The following CFAP61 variants were observed in gnomAD, a reference collection of about 807,000 sequenced individuals.
CFAP61 encodes the protein cilia- and flagella-associated protein 61.
In CFAP61, 107 loss-of-function variants were observed where a neutral mutation model predicts 135.6. The ratio of observed to expected loss-of-function variants is 0.79; its 90% confidence interval spans 0.67 to 0.93. The LOEUF (loss-of-function observed/expected upper bound fraction) is 0.93, where lower values mean the gene tolerates loss of function less well. Among genes scored for constraint, CFAP61 ranks in the 40% least tolerant of loss-of-function variants. The pLI, the probability that CFAP61 is intolerant of heterozygous loss-of-function variation, is 0.00. For missense variants in CFAP61, 1,507 were observed against 1,556.2 expected (o/e 0.97, Z 0.53); for synonymous variants, 575 against 578.5 (o/e 0.99, Z 0.09).
At chr20:20,269,146 T>TATATATATACACACAC (rs1419572825) in intron 21 of CFAP61, among the ~76,000 whole-genome samples, 1 of 85,598 alleles carries the variant, frequency 1.2e-5, no homozygotes, top group African/African-American at 4.0e-5. Context: ...TATATATATA[T>TATATATATACACACAC]ACACACACAC....
At chr20:20,251,112 T>C (rs2050851757) in intron 19 of CFAP61, among the ~76,000 whole-genome samples, 2 of 152,226 alleles carry the variant, frequency 1.3e-5, no homozygotes. Context: ...AATGAGTGAT[T>C]ACTGAAAAGT....
chr20:20,319,443 G>A (rs1325492991), intron 25 of CFAP61, among the ~76,000 whole-genome samples: 1 of 152,240 alleles, frequency 6.6e-6, no homozygotes, highest in African/African-American at 2.4e-5. Flanking sequence ...CCTGGTGGGA[G>A]GTGATTGTTT....
chr20:20,287,440 T>C (rs2054668908), intron 22 of CFAP61, among the ~76,000 whole-genome samples: 1 of 152,250 alleles, frequency 6.6e-6, no homozygotes, highest in African/African-American at 2.4e-5. Flanking sequence ...AATGGGCTAT[T>C]GCAACTGAGG....
At chr20:20,286,030 A>AAC (rs1320839273) in intron 22 of CFAP61, among the ~76,000 whole-genome samples, 3 of 151,580 alleles carry the variant, frequency 2.0e-5, no homozygotes, top group African/African-American at 7.3e-5. Context: ...AAAAAAAAAA[A>AAC]ACACCTCTAA....
chr20:20,230,905 C>T (rs1343050331), intron 18 of CFAP61, among the ~76,000 whole-genome samples: 1 of 152,234 alleles, frequency 6.6e-6, no homozygotes, highest in Non-Finnish European at 1.5e-5. Context: ...GGGGCATCAT[C>T]ATTCCTGGAA....
intron 25 of CFAP61, among the ~76,000 whole-genome samples, chr20:20,301,478 A>G (rs1041481064): frequency 5.3e-5 from 8 of 152,328 alleles, no homozygotes; most frequent in Non-Finnish European, 1.2e-4. Flanking sequence ...TTATTTATTT[A>G]AATTTCCCCC....
At position 20,277,659 on chromosome 20, in the gene CFAP61, T is replaced by G. The variant is rs112690622; in HGVS notation, c.2796+201T>G. Among the ~76,000 whole-genome samples the G allele has an allele frequency of 2.1e-3, 318 of 152,352 alleles. 1 individual carries two copies. The highest frequency in any genetic ancestry group is 7.5e-3 in the African/African-American group (310 of 41,586). Reference sequence around the variant, plus strand: ...TAAAGCAACAACAACCGTTTATTATTCTTATCTCTCCTGGTTTTTTATTAT... The same window carrying G: ...TAAAGCAACAACAACCGTTTATTATGCTTATCTCTCCTGGTTTTTTATTAT... On this transcript the variant is annotated intron_variant, in intron 22 of 26. Coordinates refer to ENST00000245957, the MANE Select transcript of CFAP61 (RefSeq NM_015585.4).
intron 13 of CFAP61, among the ~76,000 whole-genome samples, chr20:20,170,591 T>G (rs2054152527): frequency 6.6e-6 from 1 of 152,200 alleles, no homozygotes; most frequent in African/African-American, 2.4e-5. Flanking sequence ...GTATGTAAAT[T>G]AGACCTCAAT....
chr20:20,139,284 T>C (rs2051178953), intron 8 of CFAP61, among the ~76,000 whole-genome samples: 1 of 152,208 alleles, frequency 6.6e-6, no homozygotes, highest in Non-Finnish European at 1.5e-5. Flanking sequence ...AATGTGGCAT[T>C]AGATGCTGTG....
intron 16 of CFAP61, among the ~76,000 whole-genome samples, chr20:20,197,208 C>T (rs1304388102): frequency 6.6e-6 from 1 of 152,078 alleles, no homozygotes; most frequent in African/African-American, 2.4e-5. Context: ...CCCAGCATTC[C>T]AAATAAGCAC....
chr20:20,171,680 CAA>C (rs991345926), intron 13 of CFAP61: 18 of 483,570 alleles, frequency 3.7e-5, no homozygotes, highest in African/African-American at 3.4e-4. Flanking sequence ...AATGCATTAA[CAA>C]AGAGGCACAG....
chr20:20,298,845 T>G (rs2055847366), intron 25 of CFAP61, among the ~76,000 whole-genome samples: 1 of 152,200 alleles, frequency 6.6e-6, no homozygotes, highest in Non-Finnish European at 1.5e-5. Context: ...GGTGGTCATT[T>G]GTCCAGCGTT....
chr20:20,131,496 A>G (rs1223160234), intron 8 of CFAP61, among the ~76,000 whole-genome samples: 1 of 151,898 alleles, frequency 6.6e-6, no homozygotes, highest in African/African-American at 2.4e-5. Flanking sequence ...TTCAGTTTTC[A>G]TGATATTGAG....
intron 25 of CFAP61, among the ~76,000 whole-genome samples, chr20:20,305,559 C>T (rs955600493): frequency 2.0e-5 from 3 of 152,172 alleles, no homozygotes; most frequent in African/African-American, 7.2e-5. Context: ...GATGGTAATT[C>T]TCCCAATATC....
intron 26 of CFAP61, among the ~76,000 whole-genome samples, chr20:20,355,135 T>TGGTCACACTAAGGGGAGGG (rs1569330192): frequency 2.0e-5 from 2 of 99,034 alleles, no homozygotes; most frequent in South Asian, 3.6e-4. Flanking sequence ...TGAGGGGAGG[T>TGGTCACACTAAGGGGAGGG]GGTCACATTG....
chr20:20,090,976 G>A lies in CFAP61; in HGVS notation c.699G>A (p.Glu233=). The change falls in exon 7 of 27, where the codon GAG becomes GAA. Residue 233 remains glutamate, a splice_region_variant and synonymous_variant. Coordinates refer to ENST00000245957, the MANE Select transcript of CFAP61 (RefSeq NM_015585.4). The part of the protein sequence containing the change: ...QDEENHAVVC[E]VEGTAVGFMS... ...AAGAGAATCATGCTGTTGTGTGTGA[G>A]GTCAGTGACTGATTCATGTGGGAAC... 6.2e-7 allele frequency: 1 copy of A among 1,614,068 alleles called. No homozygotes were observed. Among genetic ancestry groups the A allele is most frequent in the Non-Finnish European group, 8.5e-7 (1 of 1,179,964 alleles).
At chr20:20,055,924 A>T (rs1189407633) in intron 1 of CFAP61, 1 of 1,559,532 alleles carries the variant, frequency 6.4e-7, no homozygotes, top group Non-Finnish European at 8.8e-7. Context: ...ATGAGAGAGA[A>T]ATTGAAATCA....
intron 13 of CFAP61, among the ~76,000 whole-genome samples, chr20:20,184,850 C>A (rs1387269866): frequency 6.6e-6 from 1 of 152,170 alleles, no homozygotes; most frequent in African/African-American, 2.4e-5. Context: ...GTAGGAACTT[C>A]CTCAAGTGGG....
At chr20:20,080,165 GTTA>G (rs2046335488) in intron 6 of CFAP61, among the ~76,000 whole-genome samples, 1 of 151,956 alleles carries the variant, frequency 6.6e-6, no homozygotes. Context: ...AAAAGTAAAA[GTTA>G]TTCTTTCATT....
Sources: allele counts gnomAD v4.1 joint callset (sites outside exome capture counted in the v4.1 genomes callset), GRCh38; gene constraint gnomAD v4.1.1; transcripts MANE v1.5; gene names NCBI Gene and HGNC (gene_info 2026-07-23, HGNC 2026-07-21).